GRAMD1B: variants seen among roughly 807,000 people sequenced by gnomAD.
GRAMD1B encodes the protein GRAM domain containing 1B.
In GRAMD1B, 37 loss-of-function variants were observed where a neutral mutation model predicts 99.7. The observed-to-expected ratio is 0.37, with a 90% confidence interval of 0.29 to 0.49. GRAMD1B has a LOEUF of 0.49. Ranked by LOEUF, GRAMD1B falls within the 20% of genes least tolerant of loss-of-function variation. GRAMD1B has a pLI of 0.98. For synonymous variants in GRAMD1B, 427 were observed against 387.6 expected, an observed-to-expected ratio of 1.10 and a Z score of -1.19; for missense variants, 888 against 1,009.2, an observed-to-expected ratio of 0.88 and a Z score of 1.63.
At position 123,587,359 on chromosome 11, in the gene GRAMD1B, G is replaced by A. The variant is rs769849299; in HGVS notation, c.684+3027G>A. Among the ~76,000 whole-genome samples, 4 of 152,096 alleles carry A rather than the reference G, an allele frequency of 2.6e-5. No individual in the cohort carries two copies. Among genetic ancestry groups the A allele is most frequent in the African/African-American group, 7.2e-5 (3 of 41,434 alleles). ...ATTATATGTACTCCTCCTTACCCCC[G>A]AAGCCCCAGTCTACCACCCCAGTCA... On this transcript the variant is annotated intron_variant, in intron 4 of 19. Transcript: ENST00000635736. This position sits in a 1 kb window ranked among gnomAD's most constrained non-coding sequence, Gnocchi z 4.2.
chr11:123,510,006 T>TA lies in GRAMD1B; in HGVS notation c.452+29114dup, dbSNP rs1484112548. On this transcript the variant is annotated intron_variant, in intron 2 of 19. Transcript: ENST00000635736. The surrounding 1 kb of genome is among the most constrained non-coding windows in gnomAD (Gnocchi z 4.3). ...GAACCGCCCGCTCCTGGCTCCTGTG[T>TA]AGGCCTCAGTCAGTCTGAATGTTAT... 6.6e-6 allele frequency: 1 copy of TA among 152,248 alleles called. No homozygotes were observed. Among genetic ancestry groups the TA allele is most frequent in the African/African-American group, 2.4e-5 (1 of 41,448 alleles). 9.4% of individuals were successfully genotyped at this position (152,248 alleles called of 1,614,324 possible). A position where few individuals can be genotyped will look rare whatever the true frequency, so the allele number is the denominator to read the frequency against.
chr11:123,407,380 C>T (rs953523414), intron 1 of GRAMD1B, among the ~76,000 whole-genome samples: 34 of 152,132 alleles, frequency 2.2e-4, no homozygotes, highest in African/African-American at 7.5e-4. Flanking sequence ...TCTCAGGAAA[C>T]GGATGAGAAA....
chr11:123,408,691 C>T (rs1947938418), intron 1 of GRAMD1B, among the ~76,000 whole-genome samples: 1 of 152,242 alleles, frequency 6.6e-6, no homozygotes, highest in African/African-American at 2.4e-5. Context: ...TGCTTAGGCA[C>T]TCATGGGTAG....
At position 123,469,118 on chromosome 11, in the gene GRAMD1B, G is replaced by T. The variant is rs568286348; in HGVS notation, c.375-11698G>T. On this transcript the variant is annotated intron_variant, in intron 1 of 19. Coordinates refer to ENST00000635736, the MANE Select transcript of GRAMD1B (RefSeq NM_001387025.1). ...GGCCAGTAGAAAGGCAAATTAAAAG[G>T]CAGAGGCAAGTAGAAGGGCTGGAGT... 2.6e-5 allele frequency among the ~76,000 whole-genome samples: 4 copies of T among 152,136 alleles called. No individual in the cohort carries two copies. In the East Asian group the frequency reaches 7.8e-4, roughly 30 times the overall value.
chr11:123,597,078 C>T (rs554561547), intron 7 of GRAMD1B, among the ~76,000 whole-genome samples: 1 of 151,856 alleles, frequency 6.6e-6, no homozygotes, highest in Admixed American at 6.6e-5. Context: ...GACTGCTGGT[C>T]CTAGTTCCAT....
intron 4 of GRAMD1B, among the ~76,000 whole-genome samples, chr11:123,586,454 T>G (rs1950083447): frequency 6.6e-6 from 1 of 152,098 alleles, no homozygotes; most frequent in Non-Finnish European, 1.5e-5. Context: ...AGATCATTCA[T>G]TCTCAGAGGC....
intron 1 of GRAMD1B, among the ~76,000 whole-genome samples, chr11:123,446,289 C>T (rs751807521): frequency 2.8e-4 from 43 of 152,150 alleles, no homozygotes; most frequent in African/African-American, 1.0e-3. Context: ...CCTCAGCCTC[C>T]CGAGTAGCTG....
At chr11:123,422,397 T>C (rs555629070) in intron 1 of GRAMD1B, among the ~76,000 whole-genome samples, 8 of 152,322 alleles carry the variant, frequency 5.3e-5, no homozygotes, top group African/African-American at 1.9e-4. Flanking sequence ...GTAGGAATGG[T>C]TGTCCAGAGC....
intron 2 of GRAMD1B, among the ~76,000 whole-genome samples, chr11:123,493,042 A>G (rs960019309): frequency 6.6e-6 from 1 of 152,220 alleles, no homozygotes; most frequent in African/African-American, 2.4e-5. Flanking sequence ...TGCCTTGCAC[A>G]CAGTAGGTTC....
chr11:123,581,031 C>A (rs142340477), intron 3 of GRAMD1B, among the ~76,000 whole-genome samples: 1 of 151,960 alleles, frequency 6.6e-6, no homozygotes, highest in Non-Finnish European at 1.5e-5. Context: ...TCCCTGCCCC[C>A]CTACCTCCTC....
At chr11:123,548,365 T>TATAC (rs1555067966) in intron 2 of GRAMD1B, among the ~76,000 whole-genome samples, 7 of 129,096 alleles carry the variant, frequency 5.4e-5, no homozygotes, top group African/African-American at 2.1e-4. Context: ...TATATATATG[T>TATAC]ACACACACAC....
chr11:123,587,939 T>C lies in GRAMD1B; in HGVS notation c.684+3607T>C, dbSNP rs1487312574. On this transcript the variant is annotated intron_variant, in intron 4 of 19. Coordinates refer to ENST00000635736, the MANE Select transcript of GRAMD1B (RefSeq NM_001387025.1). This position sits in a 1 kb window ranked among gnomAD's most constrained non-coding sequence, Gnocchi z 4.2. ...CTGTCTGTCTCCCCTCTCTATTTACTCCCAACTTGAAGGGTCTTCCTGCCT... is the reference window on the plus strand; with the variant it reads ...CTGTCTGTCTCCCCTCTCTATTTACCCCCAACTTGAAGGGTCTTCCTGCCT... Among the ~76,000 whole-genome samples the C allele has an allele frequency of 6.6e-6, 1 of 152,002 alleles. No homozygotes were observed. The highest frequency in any genetic ancestry group is 1.5e-5 in the Non-Finnish European group (1 of 67,984).
chr11:123,453,640 A>G (rs1282321183), intron 1 of GRAMD1B, among the ~76,000 whole-genome samples: 1 of 152,136 alleles, frequency 6.6e-6, no homozygotes, highest in African/African-American at 2.4e-5. Context: ...TATTTTTTAA[A>G]CCTGGATATT....
chr11:123,582,616 C>T (rs757464309), intron 3 of GRAMD1B, among the ~76,000 whole-genome samples: 55 of 152,122 alleles, frequency 3.6e-4, no homozygotes, highest in Non-Finnish European at 4.0e-4. Context: ...CAGAAGCAGC[C>T]CCACCCACGC....
At chr11:123,407,764 A>C (rs1007535642) in intron 1 of GRAMD1B, among the ~76,000 whole-genome samples, 10 of 152,244 alleles carry the variant, frequency 6.6e-5, no homozygotes, top group Non-Finnish European at 1.2e-4. Context: ...GTGCAGGTGC[A>C]TTCATTGATT....
chr11:123,521,287 C>A (rs915865953), intron 2 of GRAMD1B, among the ~76,000 whole-genome samples: 6 of 152,134 alleles, frequency 3.9e-5, no homozygotes, highest in African/African-American at 1.4e-4. Context: ...TTTATATTTT[C>A]CTGAGTACTA....
intron 1 of GRAMD1B, among the ~76,000 whole-genome samples, chr11:123,421,059 T>C (rs531941010): frequency 3.3e-5 from 5 of 152,342 alleles, no homozygotes; most frequent in South Asian, 2.1e-4. Context: ...CGTAAGTTAA[T>C]TGTTTACAGA....
rs1013390591 is a variant in GRAMD1B at position 123,625,889 on chromosome 11, TA to T, written c.*3298del. 6 of 147,806 alleles carry T rather than the reference TA, an allele frequency of 4.1e-5. No individual in the cohort carries two copies. The highest frequency in any genetic ancestry group is 1.5e-4 in the African/African-American group (6 of 39,656). The allele number at this position is 147,806 out of a possible 1,614,324, so 9.2% of individuals were successfully genotyped here. A position where few individuals can be genotyped will look rare whatever the true frequency, so the allele number is the denominator to read the frequency against. On this transcript the variant is annotated 3_prime_UTR_variant, in exon 20 of 20. Transcript: ENST00000635736. The stretch of plus-strand genomic sequence containing the variant: ...GCATTCCCAGGAGACCCAGGGTGAT[TA>T]AAATTTATTCTTTAGGTGGCTAGGA...
chr11:123,456,374 CGA>C (rs57851165), intron 1 of GRAMD1B, among the ~76,000 whole-genome samples: 38,086 of 151,932 alleles, frequency 0.25, 4,985 homozygotes, highest in East Asian at 0.36. Context: ...GAAAGAGCCC[CGA>C]GAGTCAGCAA....
Sources: gnomAD v4.1 joint callset for allele counts (sites outside exome capture counted in the v4.1 genomes callset) on GRCh38, gnomAD v4.1.1 for gene constraint, Gnocchi (gnomAD v3.1) non-coding constraint, MANE v1.5 for transcripts, NCBI Gene and HGNC (gene_info 2026-07-23, HGNC 2026-07-21) for gene names.